The following SMIM10L3 variants were observed in gnomAD, a reference collection of about 807,000 sequenced individuals.
SMIM10L3 encodes small integral membrane protein 10 like 3, also known as salivary gland specific protein SAGSIN1.
At chr7:6,346,505 T>C in the SMIM10L3 span, among the ~76,000 whole-genome samples, 2 of 152,118 alleles carry the variant, frequency 1.3e-5, no homozygotes, top group African/African-American at 4.8e-5. Flanking sequence ...CAGCTGGGAC[T>C]ACAGGTGCAC....
the SMIM10L3 span, chr7:6,330,565 T>G: frequency 7.8e-5 from 126 of 1,614,068 alleles, no homozygotes; most frequent in South Asian, 4.2e-4. Flanking sequence ...GGGATACACG[T>G]GCAGCGTTGC....
At chr7:6,338,604 G>A in the SMIM10L3 span, 10 of 152,334 alleles carry the variant, frequency 6.6e-5, no homozygotes, top group East Asian at 3.9e-4. Flanking sequence ...CAGGGGAAAC[G>A]AGGCTGTCCA....
the SMIM10L3 span, among the ~76,000 whole-genome samples, chr7:6,333,693 A>G: frequency 6.6e-6 from 1 of 151,616 alleles, no homozygotes; most frequent in Non-Finnish European, 1.5e-5. Flanking sequence ...CAGGAACAGA[A>G]GTTTATTACA....
the SMIM10L3 span, among the ~76,000 whole-genome samples, chr7:6,347,894 T>TATTA: frequency 6.9e-6 from 1 of 144,132 alleles, no homozygotes; most frequent in African/African-American, 2.5e-5. Flanking sequence ...TTATTATTAT[T>TATTA]ATTATTATTA....
the SMIM10L3 span, among the ~76,000 whole-genome samples, chr7:6,336,905 C>T: frequency 9.2e-5 from 14 of 152,116 alleles, no homozygotes; most frequent in African/African-American, 3.4e-4. Flanking sequence ...CCGCCCACCT[C>T]AGCCTCCCAA....
At chr7:6,348,885 C>T in the SMIM10L3 span, 3 of 388,272 alleles carry the variant, frequency 7.7e-6, no homozygotes, top group African/African-American at 2.1e-5. Context: ...GGCGGGCGGG[C>T]CGCAGTGGAG....
chr7:6,347,710 T>C, the SMIM10L3 span, among the ~76,000 whole-genome samples: 1 of 151,910 alleles, frequency 6.6e-6, no homozygotes, highest in East Asian at 1.9e-4. Context: ...ACGGTACATT[T>C]ATCAAAACGC....
At chr7:6,345,006 G>C in the SMIM10L3 span, among the ~76,000 whole-genome samples, 1 of 152,160 alleles carries the variant, frequency 6.6e-6, no homozygotes, top group Non-Finnish European at 1.5e-5. Flanking sequence ...CTCTCAAAGT[G>C]CTGGGATTTA....
the SMIM10L3 span, among the ~76,000 whole-genome samples, chr7:6,347,580 A>G: frequency 6.6e-6 from 1 of 151,638 alleles, no homozygotes; most frequent in African/African-American, 2.4e-5. Context: ...CTGGGGTGTG[A>G]GCATACTCTA....
chr7:6,334,149 C>T, the SMIM10L3 span, among the ~76,000 whole-genome samples: 1 of 151,436 alleles, frequency 6.6e-6, no homozygotes, highest in East Asian at 2.0e-4. Flanking sequence ...CCCAGCCGAA[C>T]TCCTGGTCTC....
chr7:6,345,712 A>G, the SMIM10L3 span, among the ~76,000 whole-genome samples: 3 of 152,046 alleles, frequency 2.0e-5, no homozygotes, highest in African/African-American at 7.2e-5. Flanking sequence ...GCCTGTAGAC[A>G]CTTTTTGTTT....
the SMIM10L3 span, among the ~76,000 whole-genome samples, chr7:6,343,647 G>C: frequency 4.7e-4 from 72 of 151,890 alleles, no homozygotes; most frequent in African/African-American, 1.6e-3. Context: ...AACTCCAGGA[G>C]ATTAAGGCTT....
chr7:6,334,793 G>C, the SMIM10L3 span, among the ~76,000 whole-genome samples: 3 of 121,772 alleles, frequency 2.5e-5, no homozygotes, highest in African/African-American at 1.0e-4. Flanking sequence ...ATTTTGAAAT[G>C]GAGTTTCACT....
chr7:6,330,433 G>A, the SMIM10L3 span: 4 of 1,613,994 alleles, frequency 2.5e-6, no homozygotes, highest in Non-Finnish European at 3.4e-6. Flanking sequence ...TAACCCCAGT[G>A]TTATCTGCAG....
chr7:6,332,932 G>A, the SMIM10L3 span, among the ~76,000 whole-genome samples: 1 of 152,242 alleles, frequency 6.6e-6, no homozygotes, highest in East Asian at 1.9e-4. Context: ...AGGCCAAGGC[G>A]GACAAATCAT....
chr7:6,334,068 T>C, the SMIM10L3 span, among the ~76,000 whole-genome samples: 2 of 151,002 alleles, frequency 1.3e-5, no homozygotes, highest in Non-Finnish European at 3.0e-5. Flanking sequence ...GGATGGAATC[T>C]ATCTCCTGAC....
the SMIM10L3 span, chr7:6,348,901 T>A: frequency 2.6e-6 from 1 of 385,356 alleles, no homozygotes; most frequent in East Asian, 3.7e-5. Context: ...TGGAGCGGAG[T>A]CCGCACGTCA....
At chr7:6,336,325 G>A in the SMIM10L3 span, among the ~76,000 whole-genome samples, 63 of 152,022 alleles carry the variant, frequency 4.1e-4, no homozygotes, top group South Asian at 2.1e-4. Context: ...TCCAGCCTGC[G>A]CAATTAGAGC....
At chr7:6,348,182 A>G in the SMIM10L3 span, among the ~76,000 whole-genome samples, 1 of 148,628 alleles carries the variant, frequency 6.7e-6, no homozygotes, top group African/African-American at 2.5e-5. Flanking sequence ...AGTGCATTAC[A>G]GGAGTAAGCC....
Sources: gnomAD v4.1 joint callset for allele counts (sites outside exome capture counted in the v4.1 genomes callset) on GRCh38, gnomAD v4.1.1 for gene constraint, MANE v1.5 for transcripts, NCBI Gene and HGNC (gene_info 2026-07-23, HGNC 2026-07-21) for gene names.